The following CHGA variants were observed in gnomAD, a reference collection of about 807,000 sequenced individuals.
CHGA encodes chromogranin A, also known as chromogranin-A.
CHGA carries 41 observed loss-of-function variants against 54.4 expected under a neutral mutation model. The observed-to-expected ratio is 0.75, with a 90% CI of 0.59 to 0.98. The LOEUF (loss-of-function observed/expected upper bound fraction) is 0.98. Among genes scored for constraint, CHGA ranks in the 50% least tolerant of loss-of-function variants. The probability of loss-of-function intolerance (pLI) is 0.00; values close to 1 mark genes in which losing one functional copy is unlikely to be tolerated. For missense variants in CHGA, 576 were observed against 582.3 expected, an observed-to-expected ratio of 0.99 and a Z score of 0.11; for synonymous variants, 249 against 232.8, an observed-to-expected ratio of 1.07 and a Z score of -0.63.
chr14:92,927,505 G>A lies in CHGA; in HGVS notation c.188-45G>A, dbSNP rs773616042. 8.7e-5 allele frequency: 129 copies of A among 1,476,224 alleles called. 1 individual carries two copies. The South Asian group carries it at 1.3e-3, about 15-fold the overall frequency. 91.4% of individuals were successfully genotyped at this position (1,476,224 alleles called of 1,614,324 possible). A position where few individuals can be genotyped will look rare whatever the true frequency, so the allele number is the denominator to read the frequency against. On this transcript the variant is annotated intron_variant, in intron 3 of 7. Transcript: ENST00000216492. Reference sequence around the variant, plus strand: ...AAATATTGATGGTAATCTCTTTCTCGGCTGTTCTCTGGAAACCACCCATGA... The same window carrying A: ...AAATATTGATGGTAATCTCTTTCTCAGCTGTTCTCTGGAAACCACCCATGA...
At chr14:92,926,790 A>T in intron 3 of CHGA, 92 bp downstream of exon 3, 2 of 1,055,892 alleles carry the variant, frequency 1.9e-6, no homozygotes, top group South Asian at 2.6e-5. Context: ...TTAATGATTT[A>T]ACTCAACAGT....
In CHGA at chr14:92,932,023, G is replaced by A; in HGVS notation, c.808+321G>A. ...GATGGGTGGGCTGGCTTTGGGAACA[G>A]AGACCATGGCAGGAGCGCACAGGCT... On this transcript the variant is annotated intron_variant, in intron 6 of 7. Transcript: ENST00000216492. The surrounding 1 kb of genome is among the most constrained non-coding windows in gnomAD (Gnocchi z 5.3). The A allele has an allele frequency of 2.2e-6, 1 of 455,476 alleles. No homozygotes were observed. Among genetic ancestry groups the A allele is most frequent in the Non-Finnish European group, 3.8e-6 (1 of 259,804 alleles). 28.2% of individuals were successfully genotyped at this position (455,476 alleles called of 1,614,324 possible). A position where few individuals can be genotyped will look rare whatever the true frequency, so the allele number is the denominator to read the frequency against.
At chr14:92,929,583 A>G (rs1886953795) in intron 4 of CHGA, 134 bp from the exon 5 acceptor site, 2 of 759,042 alleles carry the variant, frequency 2.6e-6, no homozygotes, top group East Asian at 5.3e-5. Flanking sequence ...CTCACGCCCC[A>G]TCAGTGTCTC....
In CHGA at chr14:92,923,853, G is replaced by GC. The variant is rs530390839; in HGVS notation, c.47-338dup. 6.1e-3 allele frequency among the ~76,000 whole-genome samples: 896 copies of GC among 145,990 alleles called. 3 individuals are homozygous for GC. Among genetic ancestry groups the GC allele is most frequent in the Middle Eastern group, 0.017 (5 of 290 alleles). Reference sequence around the variant, plus strand: ...ATCCCCTTCCTCCATCTCTTCCCCCGCCCCCCCCACCTCTGGGGTCTCTCT... The same window carrying GC: ...ATCCCCTTCCTCCATCTCTTCCCCCGCCCCCCCCCACCTCTGGGGTCTCTCT... On this transcript the variant is annotated intron_variant, in intron 1 of 7. Coordinates refer to ENST00000216492, the MANE Select transcript of CHGA (RefSeq NM_001275.4).
chr14:92,930,886 A>G (rs1027575530), intron 5 of CHGA, among the ~76,000 whole-genome samples: 2 of 152,242 alleles, frequency 1.3e-5, no homozygotes, highest in African/African-American at 4.8e-5. Flanking sequence ...CATGGAGGGG[A>G]GAATGAAGTT....
Position 92,931,413 on chromosome 14 carries a change from AGAGGAG to A in CHGA, c.533_538del (p.Glu178_Glu179del), listed in dbSNP as rs145227561. On this transcript the variant is annotated inframe_deletion, in exon 6 of 8. Coordinates refer to ENST00000216492, the MANE Select transcript of CHGA (RefSeq NM_001275.4). ...GGAACAATCAGGCCCCTGGGGAGGA[AGAGGAG>A]GAGGAGGAGGAGGCCACCAACACCC... The A allele has an allele frequency of 1.5e-5, 24 of 1,609,456 alleles. No homozygotes were observed. The highest frequency in any genetic ancestry group is 3.3e-4 in the Middle Eastern group (2 of 6,054).
rs1052004418 is a variant in CHGA at position 92,924,230 on chromosome 14, T to A, written c.78T>A (p.Asn26Lys). 9.9e-6 allele frequency: 16 copies of A among 1,612,064 alleles called. No individual in the cohort carries two copies. The highest frequency in any genetic ancestry group is 3.3e-4 in the Middle Eastern group (2 of 6,074). ...CGCTCCCTGTGAACAGCCCTATGAA[T>A]AAAGGGGATACCGAGGTAAGAAGGG... ...VTALPVNSPM[N>K]KGDTEVMKCI... The change falls in exon 2 of 8, where the codon AAT becomes AAA. Residue 26 changes from asparagine (N) to lysine (K), a missense_variant. By Grantham distance (94) the Asn-to-Lys change is moderately conservative. Transcript: ENST00000216492.
intron 2 of CHGA, among the ~76,000 whole-genome samples, chr14:92,924,719 A>G (rs982666612): frequency 6.6e-6 from 1 of 152,226 alleles, no homozygotes; most frequent in Admixed American, 6.5e-5. Flanking sequence ...CCAAAGGAAC[A>G]CAAGCAAAAC....
chr14:92,922,985 C>G (rs1392381813), upstream of CHGA: 1 of 183,780 alleles, frequency 5.4e-6, no homozygotes. Context: ...GGCCAAGACC[C>G]ACCAGCTCCA....
chr14:92,934,500 T>C (rs1468733054), intron 7 of CHGA, among the ~76,000 whole-genome samples: 1 of 152,212 alleles, frequency 6.6e-6, no homozygotes, highest in East Asian at 1.9e-4. Flanking sequence ...TTGTTTTCCA[T>C]GTGCCCTAAA....
chr14:92,931,383 T>C lies in CHGA; in HGVS notation c.489T>C (p.Ala163=), dbSNP rs144862632. ...CGGAGCCCATGCAGGAGTCCAAGGC[T>C]GAGGGGAACAATCAGGCCCCTGGGG... ...ALPEPMQESK[A]EGNNQAPGEE... The change falls in exon 6 of 8, where the codon GCT becomes GCC. Residue 163 remains alanine (A), a synonymous_variant. Coordinates refer to ENST00000216492, the MANE Select transcript of CHGA (RefSeq NM_001275.4). The C allele has an allele frequency of 1.2e-6, 2 of 1,612,794 alleles. No individual in the cohort carries two copies. Among genetic ancestry groups the C allele is most frequent in the African/African-American group, 2.7e-5 (2 of 74,882 alleles).
At chr14:92,927,054 A>G (rs569963077) in intron 3 of CHGA, among the ~76,000 whole-genome samples, 71 of 152,218 alleles carry the variant, frequency 4.7e-4, no homozygotes, top group Non-Finnish European at 1.0e-3. Context: ...GACACCCTCT[A>G]GATGTGTGAT....
intron 7 of CHGA, among the ~76,000 whole-genome samples, chr14:92,934,456 C>T (rs1384455407): frequency 1.3e-5 from 2 of 152,048 alleles, no homozygotes; most frequent in Non-Finnish European, 2.9e-5. Flanking sequence ...TGGGCTAGGC[C>T]GAGGGAAGGG....
rs779091774 is a variant in CHGA, at chr14:92,931,256, T to C, written c.362T>C (p.Val121Ala). ...QSSQAELKEA[V>A]EEPSSKDVME... ...GGCTGTGCTGTGTCTGCAGAGGCGG[T>C]GGAAGAGCCATCATCCAAGGATGTT... The change falls in exon 6 of 8, where the codon GTG becomes GCG. Residue 121 changes from valine to alanine, a missense_variant. By Grantham distance (64) the Val-to-Ala change is moderately conservative. Transcript: ENST00000216492. 1 of 1,608,018 alleles carries C rather than the reference T, an allele frequency of 6.2e-7. No individual in the cohort carries two copies. The highest frequency in any genetic ancestry group is 8.5e-7 in the Non-Finnish European group (1 of 1,176,026).
At chr14:92,928,099 C>T (rs1244700242) in intron 4 of CHGA, among the ~76,000 whole-genome samples, 1 of 152,262 alleles carries the variant, frequency 6.6e-6, no homozygotes, top group East Asian at 1.9e-4. Flanking sequence ...TTTGGCCCTG[C>T]ACCTGCCCCG....
chr14:92,934,778 G>A, intron 7 of CHGA, 23 bp from the exon 8 acceptor site: 1 of 1,561,070 alleles, frequency 6.4e-7, no homozygotes, highest in Non-Finnish European at 8.7e-7. Flanking sequence ...GCTGGCCCGA[G>A]TGAACCCCAA....
In CHGA at chr14:92,934,992, A is replaced by G. The variant is rs1887094063; in HGVS notation, c.*108A>G. The G allele has an allele frequency of 1.1e-6, 1 of 938,020 alleles. No homozygotes were observed. The highest frequency in any genetic ancestry group is 1.9e-5 in the South Asian group (1 of 52,086). The allele number at this position is 938,020 out of a possible 1,614,324, so 58.1% of individuals were successfully genotyped here. ...CGGATGCTGCTTCCGGTAGGGAGGC[A>G]GCCTCCAGCCTGCCCAAGCCCAGGC... On this transcript the variant is annotated 3_prime_UTR_variant, in exon 8 of 8. Coordinates refer to ENST00000216492, the MANE Select transcript of CHGA (RefSeq NM_001275.4).
In CHGA at chr14:92,932,582, CG is replaced by C. The variant is rs1566675588; in HGVS notation, c.1022del (p.Arg341ProfsTer12). 1 of 1,564,992 alleles carries C rather than the reference CG, an allele frequency of 6.4e-7. No individual in the cohort carries two copies. Among genetic ancestry groups the C allele is most frequent in the Admixed American group, 1.9e-5 (1 of 52,254 alleles). The part of the protein sequence containing the change: ...RLSKEWEDSK[R>X]WSKMDQLAKE... ...CTCCAAGGAGTGGGAGGACTCCAAA[CG>C]CTGGAGCAAGATGGACCAGCTGGCC... On this transcript the variant is annotated frameshift_variant, in exon 7 of 8. Coordinates refer to ENST00000216492, the MANE Select transcript of CHGA (RefSeq NM_001275.4). LOFTEE classifies it high-confidence loss of function. The surrounding 1 kb of genome is among the most constrained non-coding windows in gnomAD (Gnocchi z 5.3).
At position 92,927,605 on chromosome 14, in the gene CHGA, C is replaced by A; in HGVS notation, c.243C>A (p.Asp81Glu). The change falls in exon 4 of 8, where the codon GAC becomes GAA. Residue 81 changes from aspartate to glutamate, a missense_variant. By Grantham distance (45) the Asp-to-Glu change is conservative (BLOSUM62 2). Transcript: ENST00000216492. ...AGAATTTACTGAAGGAGCTCCAAGA[C>A]CTCGCTCTCCAAGGTATTTTCCAGC... The part of the protein sequence containing the change: ...RHQNLLKELQ[D>E]LALQGAKERA... The A allele has an allele frequency of 6.2e-7, 1 of 1,613,434 alleles. No individual in the cohort carries two copies. Among genetic ancestry groups the A allele is most frequent in the Non-Finnish European group, 8.5e-7 (1 of 1,179,728 alleles).
Sources: allele counts gnomAD v4.1 joint callset (sites outside exome capture counted in the v4.1 genomes callset), GRCh38; gene constraint gnomAD v4.1.1; non-coding constraint Gnocchi (gnomAD v3.1); transcripts MANE v1.5; gene names NCBI Gene and HGNC (gene_info 2026-07-23, HGNC 2026-07-21).